The following BIRC6 variants were observed in gnomAD, a reference collection of about 807,000 sequenced individuals.
BIRC6 encodes the protein baculoviral IAP repeat containing 6.
BIRC6 carries 98 observed loss-of-function variants against 503.3 expected under a neutral mutation model. The ratio of observed to expected loss-of-function variants is 0.19; its 90% CI spans 0.17 to 0.23. BIRC6 has a LOEUF of 0.23. Ranked by LOEUF, BIRC6 falls within the 10% of genes least tolerant of loss-of-function variation. The probability of loss-of-function intolerance (pLI) is 1.00; values close to 1 mark genes in which losing one functional copy is unlikely to be tolerated. For missense variants in BIRC6, 5,360 were observed against 5,806.0 expected, an observed-to-expected ratio of 0.92 and a Z score of 2.50; for synonymous variants, 2,240 against 2,078.7, an observed-to-expected ratio of 1.08 and a Z score of -2.11.
intron 61 of BIRC6, among the ~76,000 whole-genome samples, chr2:32,531,950 C>A (rs999810115): frequency 6.6e-6 from 1 of 152,142 alleles, no homozygotes; most frequent in African/African-American, 2.4e-5. Context: ...GTTTCAGGTG[C>A]CATTTCCATT....
chr2:32,553,900 T>C (rs780810088), intron 65 of BIRC6, among the ~76,000 whole-genome samples: 5 of 152,210 alleles, frequency 3.3e-5, no homozygotes, highest in Admixed American at 6.5e-5. Flanking sequence ...TAGGAAAATA[T>C]ATTATTTGTT....
chr2:32,362,863 A>G (rs543524849), intron 1 of BIRC6, among the ~76,000 whole-genome samples: 9 of 152,126 alleles, frequency 5.9e-5, no homozygotes, highest in Non-Finnish European at 1.3e-4. Context: ...AAATTTTTAA[A>G]CACCTTGACT....
chr2:32,473,039 T>G, intron 32 of BIRC6, 73 bp from the exon 33 acceptor site: 1 of 1,341,290 alleles, frequency 7.5e-7, no homozygotes, highest in South Asian at 1.4e-5. Context: ...GTGTTTTTTG[T>G]TTTCTGGGTA....
intron 1 of BIRC6, among the ~76,000 whole-genome samples, chr2:32,377,213 ATGTGTGTGTGTG>A (rs59912267): frequency 1.7e-4 from 25 of 144,152 alleles, no homozygotes; most frequent in African/African-American, 3.3e-4. Context: ...CTTAATATAT[ATGTGTGTGTGTG>A]TGTGTGTGTG....
At chr2:32,508,283 T>A in intron 51 of BIRC6, 24 bp downstream of exon 51, 1 of 1,047,270 alleles carries the variant, frequency 9.5e-7, no homozygotes, top group Non-Finnish European at 1.3e-6. Context: ...GTCCTTTTTT[T>A]TTTTTTTTTT....
At chr2:32,434,448 A>G (rs1254507954) in intron 13 of BIRC6, among the ~76,000 whole-genome samples, 1 of 152,166 alleles carries the variant, frequency 6.6e-6, no homozygotes, top group East Asian at 1.9e-4. Flanking sequence ...TGTGGGTTTC[A>G]CATCCCAGGA....
intron 68 of BIRC6, 98 bp downstream of exon 68, chr2:32,595,242 TG>T: frequency 1.4e-6 from 1 of 722,230 alleles, no homozygotes. Flanking sequence ...TTTTTAAAAT[TG>T]CTTGTAACAT....
At position 32,472,892 on chromosome 2, in the gene BIRC6, T is replaced by G. The variant is rs1323294920; in HGVS notation, c.6593-220T>G. The G allele has an allele frequency of 1.1e-5, 4 of 371,956 alleles. No homozygotes were observed. The Admixed American group carries it at 1.8e-4, about 17-fold the overall frequency. 23.0% of individuals were successfully genotyped at this position (371,956 alleles called of 1,614,324 possible). On this transcript the variant is annotated intron_variant, in intron 32 of 73. Transcript: ENST00000421745. ...ATGAAAGATTGGAGACAGAGGGAAC[T>G]CTGGTTTTAAAATGATTTAGGGTCT...
rs2148941677 is a variant in BIRC6, at chr2:32,467,647, G to A, written c.5479G>A (p.Asp1827Asn). The A allele has an allele frequency of 6.2e-7, 1 of 1,613,924 alleles. No individual in the cohort carries two copies. The change falls in exon 27 of 74, where the codon GAT becomes AAT. Residue 1827 changes from aspartate to asparagine, a missense_variant. Transcript: ENST00000421745. ...CATTTGGACATTAGGAGAAGAGGTGGATGGAAGGCGGTTGGTAGTGGCAAC... is the reference window on the plus strand; with the variant it reads ...CATTTGGACATTAGGAGAAGAGGTGAATGGAAGGCGGTTGGTAGTGGCAAC... ...IDIWTLGEEV[D>N]GRRLVVATDI...
intron 23 of BIRC6, among the ~76,000 whole-genome samples, chr2:32,454,640 G>A (rs2047047404): frequency 6.6e-6 from 1 of 152,178 alleles, no homozygotes; most frequent in South Asian, 2.1e-4. Context: ...TTCTTCTGTT[G>A]ATGGTTTTGT....
chr2:32,399,774 T>G (rs975096287), intron 6 of BIRC6, among the ~76,000 whole-genome samples: 1 of 151,912 alleles, frequency 6.6e-6, no homozygotes, highest in African/African-American at 2.4e-5. Context: ...TTTTTATATT[T>G]TAATTTAAAT....
At chr2:32,386,366 C>T (rs919118203) in intron 3 of BIRC6, among the ~76,000 whole-genome samples, 2 of 151,898 alleles carry the variant, frequency 1.3e-5, no homozygotes, top group Admixed American at 6.6e-5. Flanking sequence ...CACAGTCATT[C>T]TTCAAGATTC....
At chr2:32,558,040 T>C (rs1274537364) in intron 65 of BIRC6, among the ~76,000 whole-genome samples, 2 of 152,204 alleles carry the variant, frequency 1.3e-5, no homozygotes, top group African/African-American at 4.8e-5. Flanking sequence ...AGCAGAGAGC[T>C]AGTAAATGTA....
At chr2:32,471,588 C>A (rs1455099566) in intron 32 of BIRC6, among the ~76,000 whole-genome samples, 1 of 152,036 alleles carries the variant, frequency 6.6e-6, no homozygotes, top group Admixed American at 6.5e-5. Context: ...TTTATAGGTT[C>A]AAAGCACAGA....
At chr2:32,615,040 G>A (rs1437930404) in intron 73 of BIRC6, among the ~76,000 whole-genome samples, 3 of 152,154 alleles carry the variant, frequency 2.0e-5, no homozygotes, top group Non-Finnish European at 4.4e-5. Flanking sequence ...GAGGCCTCAA[G>A]GACCTTATAC....
intron 22 of BIRC6, 104 bp from the exon 23 acceptor site, chr2:32,453,704 T>C: frequency 9.0e-7 from 1 of 1,111,204 alleles, no homozygotes; most frequent in Non-Finnish European, 1.3e-6. Context: ...GTTGTGTATT[T>C]ATATGTTCTA....
chr2:32,503,021 T>C, intron 48 of BIRC6, 21 bp from the exon 49 acceptor site: 1 of 1,552,192 alleles, frequency 6.4e-7, no homozygotes, highest in South Asian at 1.2e-5. Flanking sequence ...CGATTTCATT[T>C]CATATTCTTT....
At chr2:32,597,674 A>G (rs759066305) in intron 68 of BIRC6, 77 bp from the exon 69 acceptor site, 3 of 1,032,926 alleles carry the variant, frequency 2.9e-6, no homozygotes, top group South Asian at 1.4e-5. Context: ...TGGGAGAAGG[A>G]CTAGTGATTG....
chr2:32,488,815 C>T, intron 42 of BIRC6, 101 bp downstream of exon 42: 3 of 852,234 alleles, frequency 3.5e-6, no homozygotes, highest in East Asian at 3.1e-5. Context: ...GGGGTTATAA[C>T]ATTCTAGTGG....
Sources: gnomAD v4.1 joint callset for allele counts (sites outside exome capture counted in the v4.1 genomes callset) on GRCh38, gnomAD v4.1.1 for gene constraint, MANE v1.5 for transcripts, NCBI Gene and HGNC (gene_info 2026-07-23, HGNC 2026-07-21) for gene names.